The following GPC5 variants were observed in gnomAD, a reference collection of about 807,000 sequenced individuals.
GPC5 encodes glypican 5.
GPC5 carries 47 observed loss-of-function variants against 53.9 expected under a neutral mutation model. The observed-to-expected ratio is 0.87, with a 90% CI of 0.69 to 1.11. GPC5 has a LOEUF of 1.11. Ranked by LOEUF, GPC5 falls within the 50% of genes most tolerant of loss-of-function variation. The pLI is 0.00. For synonymous variants in GPC5, 286 were observed against 263.3 expected (o/e 1.09, Z -0.84); for missense variants, 748 against 713.1 (o/e 1.05, Z -0.56).
chr13:92,640,804 T>C (rs1885570216), intron 7 of GPC5, among the ~76,000 whole-genome samples: 1 of 152,106 alleles, frequency 6.6e-6, no homozygotes, highest in Admixed American at 6.5e-5. Context: ...AGGATTGCAA[T>C]GGATTGTAAT....
intron 6 of GPC5, among the ~76,000 whole-genome samples, chr13:92,084,675 A>G (rs2041322294): frequency 6.6e-6 from 1 of 152,166 alleles, no homozygotes; most frequent in Non-Finnish European, 1.5e-5. Context: ...ATCTACCTTC[A>G]GATTGTTGTC....
chr13:92,325,131 C>T (rs2043242280), intron 7 of GPC5, among the ~76,000 whole-genome samples: 1 of 150,666 alleles, frequency 6.6e-6, no homozygotes, highest in South Asian at 2.1e-4. Flanking sequence ...CACACACACA[C>T]GTAGGTATAT....
intron 5 of GPC5, among the ~76,000 whole-genome samples, chr13:91,770,414 A>G (rs1327234746): frequency 1.3e-5 from 2 of 152,154 alleles, no homozygotes; most frequent in Admixed American, 6.6e-5. Context: ...TGGAAAGTCA[A>G]CCTGAAAATT....
At chr13:91,721,580 G>A (rs375562627) in intron 3 of GPC5, among the ~76,000 whole-genome samples, 8 of 152,138 alleles carry the variant, frequency 5.3e-5, no homozygotes, top group Non-Finnish European at 1.2e-4. Context: ...CACAAATTTA[G>A]CCCTTGGCAG....
intron 6 of GPC5, among the ~76,000 whole-genome samples, chr13:91,975,388 AT>A (rs200525188): frequency 0.024 from 3,589 of 152,258 alleles, 141 homozygotes; most frequent in African/African-American, 0.082. Context: ...AAGGGCTAAT[AT>A]CCAGAATCTA....
chr13:92,334,661 A>G (rs1189752488), intron 7 of GPC5, among the ~76,000 whole-genome samples: 1 of 152,154 alleles, frequency 6.6e-6, no homozygotes, highest in Non-Finnish European at 1.5e-5. Flanking sequence ...AAAGCTAGTT[A>G]GTTACTTCCT....
At chr13:92,764,956 A>C (rs567991933) in intron 7 of GPC5, among the ~76,000 whole-genome samples, 11 of 152,180 alleles carry the variant, frequency 7.2e-5, no homozygotes, top group Non-Finnish European at 1.6e-4. Flanking sequence ...TAATATGTCA[A>C]GACTCAGACC....
chr13:92,087,378 C>T lies in GPC5; in HGVS notation c.1402-57452C>T, dbSNP rs551521981. ...GATTTTCTCCATTGCATTTATATTA[C>T]AGCAAAGTACCTGGTACATGGTTTA... On this transcript the variant is annotated intron_variant, in intron 6 of 7. Transcript: ENST00000377067. Among the ~76,000 whole-genome samples, 4 of 152,256 alleles carry T rather than the reference C, an allele frequency of 2.6e-5. No homozygotes were observed. In the East Asian group the frequency reaches 5.8e-4, roughly 22 times the overall value.
chr13:92,619,493 C>A (rs1313544470), intron 7 of GPC5, among the ~76,000 whole-genome samples: 1 of 151,894 alleles, frequency 6.6e-6, no homozygotes, highest in Admixed American at 6.6e-5. Context: ...CTAATTTAAT[C>A]AAATCCATTT....
At chr13:92,472,896 A>T (rs1472366848) in intron 7 of GPC5, among the ~76,000 whole-genome samples, 1 of 152,110 alleles carries the variant, frequency 6.6e-6, no homozygotes, top group African/African-American at 2.4e-5. Flanking sequence ...TAATTGCATG[A>T]TTCTTTGTGT....
At chr13:91,895,735 G>T (rs1296334179) in intron 5 of GPC5, among the ~76,000 whole-genome samples, 2 of 151,906 alleles carry the variant, frequency 1.3e-5, no homozygotes, top group South Asian at 2.1e-4. Flanking sequence ...GGATGCTCCA[G>T]TTTGGGGGTG....
At chr13:91,892,060 T>G (rs2039392415) in intron 5 of GPC5, among the ~76,000 whole-genome samples, 2 of 152,054 alleles carry the variant, frequency 1.3e-5, no homozygotes, top group Admixed American at 1.3e-4. Flanking sequence ...ATCAGACTTT[T>G]ATAAATTTCA....
At chr13:91,926,143 C>T (rs544197737) in intron 6 of GPC5, among the ~76,000 whole-genome samples, 2 of 151,886 alleles carry the variant, frequency 1.3e-5, no homozygotes, top group Non-Finnish European at 2.9e-5. Context: ...AGGCGGATCA[C>T]GAGGTCAGGA....
At chr13:92,322,110 T>C (rs2043220036) in intron 7 of GPC5, among the ~76,000 whole-genome samples, 1 of 152,156 alleles carries the variant, frequency 6.6e-6, no homozygotes, top group East Asian at 1.9e-4. Flanking sequence ...AAAAGTTAAA[T>C]AAAAGGAAAT....
At chr13:91,613,175 C>A (rs559585493) in intron 2 of GPC5, among the ~76,000 whole-genome samples, 36 of 152,202 alleles carry the variant, frequency 2.4e-4, no homozygotes, top group African/African-American at 8.7e-4. Flanking sequence ...TGTTTTATTC[C>A]GTGTTAATGC....
Position 92,866,531 on chromosome 13 carries a change from C to A in GPC5, c.*92C>A. The A allele has an allele frequency of 9.5e-7, 1 of 1,047,988 alleles. No individual in the cohort carries two copies. The highest frequency in any genetic ancestry group is 1.3e-6 in the Non-Finnish European group (1 of 760,350). 64.9% of individuals were successfully genotyped at this position (1,047,988 alleles called of 1,614,324 possible). A position where few individuals can be genotyped will look rare whatever the true frequency, so the allele number is the denominator to read the frequency against. ...AATAAGAGATCCTTTTTCAATGTAA[C>A]AATTATATTTATGAAAAGATATGTT... On this transcript the variant is annotated 3_prime_UTR_variant, in exon 8 of 8. Coordinates refer to ENST00000377067, the MANE Select transcript of GPC5 (RefSeq NM_004466.6).
chr13:92,085,486 C>A (rs2041328413), intron 6 of GPC5, among the ~76,000 whole-genome samples: 1 of 152,118 alleles, frequency 6.6e-6, no homozygotes, highest in Non-Finnish European at 1.5e-5. Flanking sequence ...AATAGAGCAA[C>A]ATTTTTGGCA....
intron 2 of GPC5, among the ~76,000 whole-genome samples, chr13:91,652,057 C>T (rs1172946966): frequency 6.6e-6 from 1 of 152,178 alleles, no homozygotes; most frequent in South Asian, 2.1e-4. Context: ...AGCAGAGAAA[C>T]ACTGCTTCAA....
chr13:92,639,214 C>T (rs545917489), intron 7 of GPC5, among the ~76,000 whole-genome samples: 5 of 152,090 alleles, frequency 3.3e-5, no homozygotes, highest in Admixed American at 2.6e-4. Flanking sequence ...TGTAACATAC[C>T]CACTAAATTC....
Sources: gnomAD v4.1 joint callset for allele counts (sites outside exome capture counted in the v4.1 genomes callset) on GRCh38, gnomAD v4.1.1 for gene constraint, MANE v1.5 for transcripts, NCBI Gene and HGNC (gene_info 2026-07-23, HGNC 2026-07-21) for gene names.